TTC28: variants seen among roughly 807,000 people sequenced by gnomAD.
The protein encoded by TTC28 is tetratricopeptide repeat protein 28.
Under a neutral mutation model 198.0 loss-of-function variants are expected in TTC28, and 61 were observed. The ratio of observed to expected loss-of-function variants is 0.31; its 90% CI spans 0.25 to 0.38. TTC28 has a LOEUF of 0.38. TTC28 is among the 10% of genes least tolerant of loss of function. The probability of loss-of-function intolerance (pLI) is 1.00; values close to 1 mark genes in which losing one functional copy is unlikely to be tolerated. For missense variants in TTC28, 2,678 were observed against 3,164.0 expected (o/e 0.85, Z 3.69); for synonymous variants, 1,171 against 1,297.8 (o/e 0.90, Z 2.10).
At chr22:28,454,675 G>A (rs2047831594) in intron 2 of TTC28, among the ~76,000 whole-genome samples, 1 of 152,178 alleles carries the variant, frequency 6.6e-6, no homozygotes, top group African/African-American at 2.4e-5. Flanking sequence ...TTACACTGAT[G>A]AGAATCTTGT....
intron 5 of TTC28, among the ~76,000 whole-genome samples, chr22:28,209,591 G>A (rs1926727722): frequency 1.3e-5 from 2 of 152,174 alleles, no homozygotes; most frequent in Admixed American, 6.5e-5. Flanking sequence ...GCTGGGGGAG[G>A]GGCGTCTGCC....
intron 2 of TTC28, among the ~76,000 whole-genome samples, chr22:28,392,534 TA>T (rs1186858828): frequency 6.7e-6 from 1 of 150,044 alleles, no homozygotes; most frequent in Non-Finnish European, 1.5e-5. Flanking sequence ...GTGCGGGATA[TA>T]ATCTCCTGGT....
intron 2 of TTC28, among the ~76,000 whole-genome samples, chr22:28,365,206 A>T (rs1295574312): frequency 6.6e-6 from 1 of 152,238 alleles, no homozygotes; most frequent in East Asian, 1.9e-4. Context: ...TTTTAGTAAT[A>T]AAATATTTTA....
intron 5 of TTC28, among the ~76,000 whole-genome samples, chr22:28,194,309 A>G (rs1925178742): frequency 6.6e-6 from 1 of 152,226 alleles, no homozygotes; most frequent in South Asian, 2.1e-4. Context: ...TTATAGCACT[A>G]AATGCCCACA....
intron 2 of TTC28, among the ~76,000 whole-genome samples, chr22:28,546,402 C>T (rs1358243099): frequency 6.6e-6 from 1 of 152,138 alleles, no homozygotes; most frequent in Non-Finnish European, 1.5e-5. Context: ...GCCGAGAGGG[C>T]ACCAATGCAC....
intron 5 of TTC28, among the ~76,000 whole-genome samples, chr22:28,176,779 G>T (rs1923205379): frequency 6.6e-6 from 1 of 151,968 alleles, no homozygotes; most frequent in Non-Finnish European, 1.5e-5. Flanking sequence ...TCTTTGACAG[G>T]GTACAAAGGT....
intron 2 of TTC28, among the ~76,000 whole-genome samples, chr22:28,415,668 C>T (rs2047157538): frequency 6.6e-6 from 1 of 152,162 alleles, no homozygotes; most frequent in African/African-American, 2.4e-5. Flanking sequence ...AAGCCTGAGG[C>T]TTTGAATGGG....
chr22:28,028,888 G>C, intron 13 of TTC28: 1 of 421,988 alleles, frequency 2.4e-6, no homozygotes, highest in South Asian at 1.8e-5. Flanking sequence ...CCATTTCACA[G>C]ATGACGAGAC....
At chr22:27,990,905 C>T in intron 19 of TTC28, 93 bp from the exon 20 acceptor site, 1 of 1,343,138 alleles carries the variant, frequency 7.4e-7, no homozygotes, top group South Asian at 1.3e-5. Flanking sequence ...GAGCTGATCA[C>T]TGTTTAGGAA....
chr22:28,295,935 T>C (rs554970623), intron 5 of TTC28, among the ~76,000 whole-genome samples: 1 of 152,270 alleles, frequency 6.6e-6, no homozygotes, highest in East Asian at 1.9e-4. Context: ...CATTTGAAGA[T>C]AATAAGAACA....
At chr22:28,325,750 T>C (rs981266290) in intron 2 of TTC28, among the ~76,000 whole-genome samples, 1 of 152,094 alleles carries the variant, frequency 6.6e-6, no homozygotes, top group African/African-American at 2.4e-5. Flanking sequence ...ATGTTCAAAA[T>C]CATTAGCCAT....
intron 5 of TTC28, among the ~76,000 whole-genome samples, chr22:28,289,318 C>G (rs904598379): frequency 6.6e-6 from 1 of 152,082 alleles, no homozygotes; most frequent in Non-Finnish European, 1.5e-5. Context: ...TTGGAGTTAC[C>G]AGCATATTTG....
At chr22:28,015,457 C>T (rs898565576) in intron 13 of TTC28, among the ~76,000 whole-genome samples, 4 of 149,258 alleles carry the variant, frequency 2.7e-5, no homozygotes, top group African/African-American at 9.9e-5. Flanking sequence ...AATTGTTGCT[C>T]TGTGACCCAG....
intron 3 of TTC28, among the ~76,000 whole-genome samples, chr22:28,300,663 G>C (rs1374967788): frequency 6.6e-6 from 1 of 152,214 alleles, no homozygotes; most frequent in Admixed American, 6.5e-5. Context: ...CAACTGGAAA[G>C]CTTCATGGAA....
At chr22:28,344,015 A>T (rs1483358929) in intron 2 of TTC28, among the ~76,000 whole-genome samples, 3 of 152,048 alleles carry the variant, frequency 2.0e-5, no homozygotes, top group Admixed American at 6.5e-5. Context: ...AATCCAACAG[A>T]AAAAAATAGC....
At position 28,585,600 on chromosome 22, in the gene TTC28, C is replaced by A. The variant is rs1601593871; in HGVS notation, c.381+43952G>T. On this transcript the variant is annotated intron_variant, in intron 2 of 22. Coordinates refer to ENST00000397906, the MANE Select transcript of TTC28 (RefSeq NM_001145418.2). ...CACGGACCAGTATCAGTCCGTGGCC[C>A]AGGGGTTGGGGACCCCTGCTTTACA... 3.3e-5 allele frequency among the ~76,000 whole-genome samples: 5 copies of A among 152,228 alleles called. No homozygotes were observed. The Middle Eastern group carries it at 0.017, about 518-fold the overall frequency.
At chr22:28,291,235 T>G (rs967102110) in intron 5 of TTC28, among the ~76,000 whole-genome samples, 1 of 152,004 alleles carries the variant, frequency 6.6e-6, no homozygotes, top group African/African-American at 2.4e-5. Flanking sequence ...GGTATAGGAC[T>G]TCTCTAGCAA....
chr22:28,349,960 G>A (rs898713823), intron 2 of TTC28, among the ~76,000 whole-genome samples: 2 of 152,166 alleles, frequency 1.3e-5, no homozygotes, highest in African/African-American at 4.8e-5. Flanking sequence ...GTGAAGATGA[G>A]ATAGTAATGT....
intron 2 of TTC28, among the ~76,000 whole-genome samples, chr22:28,424,832 GC>G (rs1413120942): frequency 6.6e-6 from 1 of 152,154 alleles, no homozygotes; most frequent in Non-Finnish European, 1.5e-5. Context: ...GCAGCTGTTT[GC>G]CATTCAATTT....
Sources: gnomAD v4.1 joint callset for allele counts (sites outside exome capture counted in the v4.1 genomes callset) on GRCh38, gnomAD v4.1.1 for gene constraint, MANE v1.5 for transcripts, NCBI Gene and HGNC (gene_info 2026-07-23, HGNC 2026-07-21) for gene names.